The following KCNK2 variants were observed in gnomAD, a reference collection of about 807,000 sequenced individuals.
KCNK2 encodes potassium channel subfamily K member 2.
KCNK2 carries 21 observed loss-of-function variants against 40.5 expected under a neutral mutation model. The ratio of observed to expected loss-of-function variants is 0.52; its 90% CI spans 0.37 to 0.75. The LOEUF (loss-of-function observed/expected upper bound fraction) is 0.75, where lower values mean the gene tolerates loss of function less well. KCNK2 is among the 30% of genes least tolerant of loss of function. KCNK2 has a pLI of 0.00. For missense variants in KCNK2, 399 were observed against 531.6 expected (o/e 0.75, Z 2.45); for synonymous variants, 191 against 202.2 (o/e 0.94, Z 0.47).
chr1:215,235,266 C>G lies in KCNK2; in HGVS notation c.*121C>G. ...GCTCAAAGGGGGAACAAAATAGATA[C>G]ACCCATCATGGTCATCTATCATCAA... On this transcript the variant is annotated 3_prime_UTR_variant, in exon 7 of 7. Transcript: ENST00000444842. 1.3e-6 allele frequency: 1 copy of G among 749,382 alleles called. No homozygotes were observed. The highest frequency in any genetic ancestry group is 2.1e-6 in the Non-Finnish European group (1 of 467,626). 46.4% of individuals were successfully genotyped at this position (749,382 alleles called of 1,614,324 possible).
chr1:215,204,008 A>G (rs1383468383), intron 6 of KCNK2, among the ~76,000 whole-genome samples: 1 of 123,676 alleles, frequency 8.1e-6, no homozygotes, highest in Non-Finnish European at 1.6e-5. Context: ...ACTGCACTCC[A>G]GCCTGGGCGA....
chr1:215,151,485 T>G (rs1662682578), intron 3 of KCNK2, among the ~76,000 whole-genome samples: 2 of 152,150 alleles, frequency 1.3e-5, no homozygotes, highest in African/African-American at 4.8e-5. Flanking sequence ...TGATATCATG[T>G]AAGGCAAATC....
At chr1:215,103,687 AATG>A (rs1359857781) in intron 2 of KCNK2, among the ~76,000 whole-genome samples, 9 of 152,210 alleles carry the variant, frequency 5.9e-5, no homozygotes, top group African/African-American at 1.9e-4. Flanking sequence ...ATTTTATAAT[AATG>A]ATATCATTCC....
intron 1 of KCNK2, among the ~76,000 whole-genome samples, chr1:215,032,988 T>C (rs1192395907): frequency 6.6e-6 from 1 of 152,104 alleles, no homozygotes; most frequent in Non-Finnish European, 1.5e-5. Flanking sequence ...TCTCATTATA[T>C]GTAGGTTACA....
intron 1 of KCNK2, among the ~76,000 whole-genome samples, chr1:215,046,755 G>T (rs78365602): frequency 0.052 from 7,924 of 152,062 alleles, 636 homozygotes; most frequent in African/African-American, 0.18. Context: ...TACATCAAAA[G>T]ATATATTTCT....
At chr1:215,054,415 C>T (rs540791700) in intron 1 of KCNK2, among the ~76,000 whole-genome samples, 12 of 152,308 alleles carry the variant, frequency 7.9e-5, no homozygotes, top group Middle Eastern at 6.8e-3. Context: ...ACCATCCCTG[C>T]ACCAGGAACA....
intron 3 of KCNK2, among the ~76,000 whole-genome samples, chr1:215,129,331 T>C (rs1017990123): frequency 1.3e-5 from 2 of 152,198 alleles, no homozygotes; most frequent in African/African-American, 4.8e-5. Flanking sequence ...ATTTTTTGTT[T>C]GTTTGTTTGT....
At chr1:215,181,417 C>T (rs1571702465) in intron 5 of KCNK2, among the ~76,000 whole-genome samples, 1 of 152,232 alleles carries the variant, frequency 6.6e-6, no homozygotes, top group Non-Finnish European at 1.5e-5. Context: ...GGTGGTGTCA[C>T]TACATTCAGA....
chr1:215,093,783 ATTATATATTATATAATAT>A (rs1659833451), intron 2 of KCNK2, among the ~76,000 whole-genome samples: 1 of 15,878 alleles, frequency 6.3e-5, no homozygotes, highest in Non-Finnish European at 1.8e-4. Context: ...TATATTATAT[ATTATATATTATATAATAT>A]AAAATATATT....
chr1:215,180,467 C>T (rs907275100), intron 5 of KCNK2, among the ~76,000 whole-genome samples: 3 of 152,098 alleles, frequency 2.0e-5, no homozygotes, highest in African/African-American at 4.8e-5. Flanking sequence ...GGGCTATATA[C>T]TTAAGTGTGT....
chr1:215,082,526 G>A (rs556502902), upstream of KCNK2, among the ~76,000 whole-genome samples: 1 of 152,230 alleles, frequency 6.6e-6, no homozygotes, highest in East Asian at 2.0e-4. Context: ...GGTGGGGATG[G>A]GGGTTAGTGG....
chr1:215,044,077 A>T (rs1216637160), intron 1 of KCNK2, among the ~76,000 whole-genome samples: 1 of 152,188 alleles, frequency 6.6e-6, no homozygotes, highest in Non-Finnish European at 1.5e-5. Flanking sequence ...TTGCTGAGTC[A>T]AAGAAGGACA....
chr1:215,161,558 A>G (rs548580536), intron 3 of KCNK2, among the ~76,000 whole-genome samples: 17 of 151,882 alleles, frequency 1.1e-4, no homozygotes, highest in African/African-American at 3.9e-4. Context: ...TCCTAATGCT[A>G]TCCCTCCCCT....
At chr1:215,221,414 C>CA (rs1558146392) in intron 6 of KCNK2, among the ~76,000 whole-genome samples, 2 of 152,002 alleles carry the variant, frequency 1.3e-5, no homozygotes, top group Non-Finnish European at 2.9e-5. Flanking sequence ...AAAAAACACA[C>CA]AAAAAAATAC....
intron 2 of KCNK2, among the ~76,000 whole-genome samples, chr1:215,116,099 A>G (rs1448193958): frequency 6.6e-6 from 1 of 151,958 alleles, no homozygotes; most frequent in African/African-American, 2.4e-5. Flanking sequence ...TTGCCCTTAG[A>G]CATTAGACAG....
intron 1 of KCNK2, among the ~76,000 whole-genome samples, chr1:215,029,009 A>G (rs553951083): frequency 6.6e-6 from 1 of 151,592 alleles, no homozygotes; most frequent in Non-Finnish European, 1.5e-5. Flanking sequence ...AGCAAAATTC[A>G]CTGAAGGGTA....
At chr1:215,077,987 G>C (rs1659006944), upstream of KCNK2, among the ~76,000 whole-genome samples, 1 of 152,102 alleles carries the variant, frequency 6.6e-6, no homozygotes, top group Non-Finnish European at 1.5e-5. Context: ...GTGTTGCTCA[G>C]AAGATTAAAT....
intron 1 of KCNK2, among the ~76,000 whole-genome samples, chr1:215,049,562 C>G (rs1240786183): frequency 6.6e-6 from 1 of 152,036 alleles, no homozygotes. Context: ...TCAAATAACC[C>G]TTTTCATGGC....
At chr1:215,028,689 A>G (rs1189445975) in intron 1 of KCNK2, among the ~76,000 whole-genome samples, 1 of 152,186 alleles carries the variant, frequency 6.6e-6, no homozygotes, top group Non-Finnish European at 1.5e-5. Context: ...TGCACAAATC[A>G]TAAAGGTACC....
Sources: gnomAD v4.1 joint callset for allele counts (sites outside exome capture counted in the v4.1 genomes callset) on GRCh38, gnomAD v4.1.1 for gene constraint, MANE v1.5 for transcripts, NCBI Gene and HGNC (gene_info 2026-07-23, HGNC 2026-07-21) for gene names.